Variants in PCDH15 observed in about 807,000 individuals in gnomAD.
The protein encoded by PCDH15 is protocadherin related 15.
Under a neutral mutation model 178.5 loss-of-function variants are expected in PCDH15, and 129 were observed. The ratio of observed to expected loss-of-function variants is 0.72; its 90% CI spans 0.63 to 0.84. The LOEUF is 0.84. PCDH15 is among the 40% of genes least tolerant of loss of function. The pLI, the probability that PCDH15 is intolerant of heterozygous loss-of-function variation, is 0.00. For missense variants in PCDH15, 2,230 were observed against 2,099.9 expected (o/e 1.06, Z -1.21); for synonymous variants, 800 against 732.0 (o/e 1.09, Z -1.50).
chr10:55,423,992 A>G (rs1258986963), intron 2 of PCDH15, among the ~76,000 whole-genome samples: 1 of 152,114 alleles, frequency 6.6e-6, no homozygotes, highest in Non-Finnish European at 1.5e-5. Flanking sequence ...GTTGACTACC[A>G]GAAATTGAGG....
intron 2 of PCDH15, among the ~76,000 whole-genome samples, chr10:54,530,900 C>T (rs544399981): frequency 4.6e-5 from 7 of 152,152 alleles, no homozygotes; most frequent in South Asian, 2.1e-4. Flanking sequence ...TGTTTTTAAA[C>T]GATGCATTCA....
Position 54,488,343 on chromosome 10 carries a change from G to A in PCDH15, c.157+39469C>T, listed in dbSNP as rs185502224. Reference sequence around the variant, plus strand: ...GAATATTAAAATATTGGTTACCAGCGTAATTTTGACATACATTCCTTTGAT... The same window carrying A: ...GAATATTAAAATATTGGTTACCAGCATAATTTTGACATACATTCCTTTGAT... On this transcript the variant is annotated intron_variant, in intron 3 of 37. Coordinates refer to ENST00000644397, the MANE Select transcript of PCDH15 (RefSeq NM_001384140.1). Among the ~76,000 whole-genome samples the A allele has an allele frequency of 8.3e-4, 126 of 151,692 alleles. 1 individual carries two copies. The highest frequency in any genetic ancestry group is 2.5e-3 in the African/African-American group (104 of 41,450).
intron 2 of PCDH15, among the ~76,000 whole-genome samples, chr10:55,108,396 A>G (rs556659428): frequency 1.3e-5 from 2 of 152,304 alleles, no homozygotes; most frequent in Admixed American, 6.5e-5. Flanking sequence ...GCATTTTCAT[A>G]ATGTTTGTGT....
chr10:54,345,731 A>G (rs957405720), intron 6 of PCDH15, among the ~76,000 whole-genome samples: 1 of 150,296 alleles, frequency 6.7e-6, no homozygotes, highest in African/African-American at 2.4e-5. Flanking sequence ...TATACAAAAA[A>G]ATTGAGCTTC....
chr10:55,579,050 G>A (rs11004918), intron 2 of PCDH15, among the ~76,000 whole-genome samples: 113,084 of 152,122 alleles, frequency 0.74, 42,924 homozygotes, highest in East Asian at 0.99. Context: ...TCCATTTTAA[G>A]CATGTTTATT....
chr10:53,848,239 T>C (rs2078108872), intron 28 of PCDH15, among the ~76,000 whole-genome samples: 1 of 151,534 alleles, frequency 6.6e-6, no homozygotes, highest in Non-Finnish European at 1.5e-5. Flanking sequence ...TGACAAAACT[T>C]CTAGGTTATA....
intron 1 of PCDH15, among the ~76,000 whole-genome samples, chr10:55,270,588 G>C (rs892098434): frequency 3.3e-5 from 5 of 152,020 alleles, no homozygotes; most frequent in Admixed American, 2.0e-4. Context: ...AAACCACAGT[G>C]AGGTACCATC....
At chr10:54,894,020 T>C (rs901228867) in intron 3 of PCDH15, among the ~76,000 whole-genome samples, 1 of 152,110 alleles carries the variant, frequency 6.6e-6, no homozygotes, top group African/African-American at 2.4e-5. Context: ...AATATACATA[T>C]TATAATACAT....
chr10:54,712,137 G>A (rs1295180902), intron 1 of PCDH15, among the ~76,000 whole-genome samples: 1 of 151,626 alleles, frequency 6.6e-6, no homozygotes, highest in Non-Finnish European at 1.5e-5. Flanking sequence ...CCTTTACAAG[G>A]TACAATTTAA....
chr10:55,060,001 A>G (rs1471201564), intron 2 of PCDH15, among the ~76,000 whole-genome samples: 1 of 151,600 alleles, frequency 6.6e-6, no homozygotes, highest in Non-Finnish European at 1.5e-5. Context: ...AAAAAAAATT[A>G]GTTGAATTGG....
At chr10:54,296,405 C>A (rs144964845) in intron 8 of PCDH15, among the ~76,000 whole-genome samples, 1 of 151,832 alleles carries the variant, frequency 6.6e-6, no homozygotes, top group Non-Finnish European at 1.5e-5. Context: ...AAAGACATGT[C>A]GCCTAAGGGA....
chr10:55,499,874 T>A (rs1840617358), intron 2 of PCDH15, among the ~76,000 whole-genome samples: 1 of 151,712 alleles, frequency 6.6e-6, no homozygotes, highest in South Asian at 2.1e-4. Flanking sequence ...ATAGGCTAAG[T>A]AAATGTGAAA....
intron 8 of PCDH15, among the ~76,000 whole-genome samples, chr10:54,283,224 T>G (rs2058812503): frequency 6.6e-6 from 1 of 152,144 alleles, no homozygotes; most frequent in East Asian, 1.9e-4. Context: ...TATCCTTTTT[T>G]GTTTGAAGAG....
At chr10:54,598,940 G>A (rs1362949951) in intron 2 of PCDH15, among the ~76,000 whole-genome samples, 2 of 151,750 alleles carry the variant, frequency 1.3e-5, no homozygotes, top group Non-Finnish European at 2.9e-5. Context: ...TCTCTACAAT[G>A]AGAACTATAA....
At chr10:53,976,561 T>A (rs1043361391) in intron 21 of PCDH15, among the ~76,000 whole-genome samples, 11 of 152,158 alleles carry the variant, frequency 7.2e-5, no homozygotes, top group African/African-American at 4.8e-5. Flanking sequence ...CCTCTGCATA[T>A]ACTCATCCAC....
Position 55,393,178 on chromosome 10 carries a change from T to G in PCDH15, c.-155-226527A>C, listed in dbSNP as rs183106643. ...TATAGAGCCTTAGTCAGACTGATGG[T>G]CCTCAAATTTAGGTATAAATCAAAA... On this transcript the variant is annotated intron_variant, in intron 2 of 5. Coordinates refer to the PCDH15 transcript ENST00000613346. Among the ~76,000 whole-genome samples the G allele has an allele frequency of 1.6e-3, 247 of 152,238 alleles. 1 individual carries two copies. The highest frequency in any genetic ancestry group is 5.0e-3 in the African/African-American group (209 of 41,548).
intron 2 of PCDH15, among the ~76,000 whole-genome samples, chr10:55,445,032 A>T (rs1480149719): frequency 6.6e-6 from 1 of 152,146 alleles, no homozygotes; most frequent in Non-Finnish European, 1.5e-5. Context: ...GTGAAGGAAA[A>T]AGGATTGACT....
At chr10:55,500,638 T>A (rs538263703) in intron 2 of PCDH15, among the ~76,000 whole-genome samples, 17 of 151,910 alleles carry the variant, frequency 1.1e-4, no homozygotes, top group African/African-American at 4.1e-4. Context: ...TGATCTCACA[T>A]AGAATAGTGA....
intron 2 of PCDH15, among the ~76,000 whole-genome samples, chr10:55,363,754 G>A (rs1481535548): frequency 6.6e-6 from 1 of 151,918 alleles, no homozygotes; most frequent in Non-Finnish European, 1.5e-5. Flanking sequence ...TCCTGCATCA[G>A]CCTACCAAGT....
Sources: gnomAD v4.1 joint callset for allele counts (sites outside exome capture counted in the v4.1 genomes callset) on GRCh38, gnomAD v4.1.1 for gene constraint, MANE v1.5 for transcripts, NCBI Gene and HGNC (gene_info 2026-07-23, HGNC 2026-07-21) for gene names.